Variants in CD109 observed in about 807,000 individuals in gnomAD.
CD109 encodes the protein CD109 antigen.
A neutral mutation model predicts 165.8 loss-of-function variants in CD109; 149 were observed. The observed-to-expected ratio is 0.90, with a 90% CI of 0.79 to 1.03. The LOEUF is 1.03. CD109 is among the 50% of genes least tolerant of loss of function. The pLI is 0.00. For missense variants in CD109, 1,712 were observed against 1,677.8 expected, an observed-to-expected ratio of 1.02 and a Z score of -0.36; for synonymous variants, 585 against 592.1, an observed-to-expected ratio of 0.99 and a Z score of 0.18.
chr6:73,793,704 C>T (rs568586895), intron 23 of CD109, among the ~76,000 whole-genome samples: 97 of 152,294 alleles, frequency 6.4e-4, no homozygotes, highest in African/African-American at 2.2e-3. Context: ...CTGAAATACT[C>T]CAAAAGCTTA....
the CD109 span, among the ~76,000 whole-genome samples, chr6:73,680,349 C>T: frequency 1.3e-5 from 2 of 151,960 alleles, no homozygotes; most frequent in African/African-American, 4.8e-5. Context: ...ATTGATGATA[C>T]CTTTGACTAA....
intron 4 of CD109, among the ~76,000 whole-genome samples, chr6:73,734,220 A>T (rs1388945457): frequency 6.6e-6 from 1 of 152,114 alleles, no homozygotes; most frequent in East Asian, 1.9e-4. Context: ...AAGCAGAGGA[A>T]TTATCTCATT....
intron 10 of CD109, among the ~76,000 whole-genome samples, chr6:73,764,485 C>G (rs141792635): frequency 6.0e-4 from 91 of 152,318 alleles, no homozygotes; most frequent in African/African-American, 2.1e-3. Flanking sequence ...ATTGGCCTAT[C>G]AGCTTGCAGT....
At chr6:73,793,664 T>TA (rs879820936) in intron 23 of CD109, among the ~76,000 whole-genome samples, 1 of 152,216 alleles carries the variant, frequency 6.6e-6, no homozygotes, top group Non-Finnish European at 1.5e-5. Flanking sequence ...GAGACACGTT[T>TA]GATGTTAATA....
At position 73,730,546 on chromosome 6, in the gene CD109, AC is replaced by A. The variant is rs1226564690; in HGVS notation, c.480del (p.Tyr160Ter). The A allele has an allele frequency of 6.2e-7, 1 of 1,613,438 alleles. No homozygotes were observed. The highest frequency in any genetic ancestry group is 1.7e-5 in the Admixed American group (1 of 60,022). On this transcript the variant is annotated frameshift_variant, in exon 4 of 33. Transcript: ENST00000287097. LOFTEE classifies it high-confidence loss of function. ...IVTLFSDFKP[Y>X]KTSLNILIKD... is the part of the protein sequence containing the mutation. ...ACACTCTTCTCAGATTTTAAGCCTT[AC>A]AAAACCTCTTTAAACATTCTCATTA...
intron 5 of CD109, among the ~76,000 whole-genome samples, chr6:73,747,114 T>G (rs1163639071): frequency 6.6e-6 from 1 of 152,238 alleles, no homozygotes; most frequent in Non-Finnish European, 1.5e-5. Context: ...ATATCCCGAT[T>G]TCTGCCTTGG....
intron 15 of CD109, among the ~76,000 whole-genome samples, chr6:73,775,922 C>T (rs549169354): frequency 3.3e-5 from 5 of 152,250 alleles, no homozygotes; most frequent in South Asian, 2.1e-4. Flanking sequence ...CTATCATTGA[C>T]GGACATTTAG....
At chr6:73,726,904 G>A (rs1306087136) in intron 3 of CD109, among the ~76,000 whole-genome samples, 1 of 152,156 alleles carries the variant, frequency 6.6e-6, no homozygotes, top group Admixed American at 6.5e-5. Context: ...TGTGCCCTCT[G>A]GTCAAGGAGT....
intron 5 of CD109, among the ~76,000 whole-genome samples, chr6:73,750,365 C>T (rs145964940): frequency 6.6e-6 from 1 of 152,140 alleles, no homozygotes; most frequent in Non-Finnish European, 1.5e-5. Context: ...AGAGAAAGAA[C>T]AGCCAGTTTT....
intron 2 of CD109, among the ~76,000 whole-genome samples, chr6:73,714,238 C>T (rs571266428): frequency 5.5e-4 from 84 of 152,258 alleles, no homozygotes; most frequent in South Asian, 8.3e-4. Context: ...GTGTTGTGCC[C>T]GACTGCCTTC....
chr6:73,706,440 C>T (rs532389022), intron 2 of CD109, among the ~76,000 whole-genome samples: 2 of 152,214 alleles, frequency 1.3e-5, no homozygotes, highest in Admixed American at 1.3e-4. Flanking sequence ...AGTTGAAGCT[C>T]GAGAGGACTG....
In CD109 at chr6:73,811,077, G is replaced by A. The variant is rs1186575662; in HGVS notation, c.3632G>A (p.Gly1211Glu). The A allele has an allele frequency of 1.2e-6, 2 of 1,613,392 alleles. No individual in the cohort carries two copies. The highest frequency in any genetic ancestry group is 2.2e-5 in the East Asian group (1 of 44,872). The change falls in exon 28 of 33, where the codon GGG becomes GAG. Residue 1211 changes from glycine (G) to glutamate (E), a missense_variant. Coordinates refer to ENST00000287097, the MANE Select transcript of CD109 (RefSeq NM_133493.5). ...ACAAATATCCAAGTGACCGTGACGGGGCCTAGCTCACCAAGTCCTGTAAAG... is the reference window on the plus strand; with the variant it reads ...ACAAATATCCAAGTGACCGTGACGGAGCCTAGCTCACCAAGTCCTGTAAAG... The part of the protein sequence containing the change: ...ERTNIQVTVT[G>E]PSSPSPVKFL...
At chr6:73,680,278 C>G in the CD109 span, among the ~76,000 whole-genome samples, 1 of 151,916 alleles carries the variant, frequency 6.6e-6, no homozygotes, top group Non-Finnish European at 1.5e-5. Context: ...GCTAGAAGTT[C>G]AGGCAAACAC....
intron 13 of CD109, among the ~76,000 whole-genome samples, chr6:73,767,742 AGTGCT>A (rs1479529324): frequency 1.3e-5 from 2 of 152,346 alleles, no homozygotes; most frequent in East Asian, 3.9e-4. Flanking sequence ...GAAAATAAAA[AGTGCT>A]ATCCATGACC....
At chr6:73,690,975 TA>T (rs1404845126), upstream of CD109, among the ~76,000 whole-genome samples, 1 of 152,162 alleles carries the variant, frequency 6.6e-6, no homozygotes, top group Non-Finnish European at 1.5e-5. Flanking sequence ...ACTGAGCAGC[TA>T]CTCTACCTGA....
At chr6:73,686,890 C>T in the CD109 span, among the ~76,000 whole-genome samples, 22 of 152,282 alleles carry the variant, frequency 1.4e-4, no homozygotes, top group South Asian at 4.3e-3. Context: ...TGTGGTTTCA[C>T]CATGTTGGCC....
intron 3 of CD109, among the ~76,000 whole-genome samples, chr6:73,726,394 G>C (rs1474716789): frequency 1.3e-5 from 2 of 152,158 alleles, no homozygotes; most frequent in African/African-American, 4.8e-5. Flanking sequence ...AAATGAAGGA[G>C]TGGTTTTATT....
chr6:73,720,962 C>T (rs1165614243), intron 2 of CD109, among the ~76,000 whole-genome samples: 1 of 152,172 alleles, frequency 6.6e-6, no homozygotes, highest in Non-Finnish European at 1.5e-5. Context: ...ACATTGTACC[C>T]CTCCTTGCTC....
chr6:73,768,110 C>CT lies in CD109; in HGVS notation c.1556dup (p.Leu519PhefsTer19). ...GGAAAACAAAATTCAACAATGTTCT[C>CT]TTTAACACCAGAAAATTCTTGGACT... On this transcript the variant is annotated frameshift_variant, in exon 14 of 33. Coordinates refer to ENST00000287097, the MANE Select transcript of CD109 (RefSeq NM_133493.5). LOFTEE classifies it high-confidence loss of function. The CT allele has an allele frequency of 1.2e-6, 2 of 1,613,176 alleles. No homozygotes were observed. Among genetic ancestry groups the CT allele is most frequent in the Non-Finnish European group, 1.7e-6 (2 of 1,179,322 alleles).
Sources: allele counts gnomAD v4.1 joint callset (sites outside exome capture counted in the v4.1 genomes callset), GRCh38; gene constraint gnomAD v4.1.1; transcripts MANE v1.5; gene names NCBI Gene and HGNC (gene_info 2026-07-23, HGNC 2026-07-21).